The following YTHDC1 variants were observed in gnomAD, a reference collection of about 807,000 sequenced individuals.
YTHDC1 encodes the protein YTH N6-methyladenosine RNA binding protein C1.
A neutral mutation model predicts 107.0 loss-of-function variants in YTHDC1; 12 were observed. That is an observed-to-expected ratio of 0.11 (90% CI 0.07 to 0.18). The LOEUF (loss-of-function observed/expected upper bound fraction) is 0.18. YTHDC1 is among the 10% of genes least tolerant of loss of function. The probability of loss-of-function intolerance (pLI) is 1.00; values close to 1 mark genes in which losing one functional copy is unlikely to be tolerated. For missense variants in YTHDC1, 635 were observed against 898.8 expected (o/e 0.71, Z 3.75); for synonymous variants, 280 against 289.5 (o/e 0.97, Z 0.33).
chr4:68,323,168 G>A (rs1218211000), intron 10 of YTHDC1, among the ~76,000 whole-genome samples: 1 of 152,036 alleles, frequency 6.6e-6, no homozygotes, highest in African/African-American at 2.4e-5. Context: ...AAAATTCTGT[G>A]ACAACCACCC....
intron 2 of YTHDC1, 164 bp from the exon 3 acceptor site, chr4:68,338,064 T>C: frequency 4.1e-6 from 4 of 974,554 alleles, no homozygotes; most frequent in Non-Finnish European, 4.9e-6. Flanking sequence ...AAAGAAAACA[T>C]AGCTTTCAAC....
At chr4:68,333,879 T>C (rs994138726) in intron 4 of YTHDC1, among the ~76,000 whole-genome samples, 1 of 152,170 alleles carries the variant, frequency 6.6e-6, no homozygotes, top group Non-Finnish European at 1.5e-5. Context: ...TGGAAAAATA[T>C]ATATACCATA....
At chr4:68,329,133 T>C (rs1723305195) in intron 9 of YTHDC1, among the ~76,000 whole-genome samples, 1 of 152,066 alleles carries the variant, frequency 6.6e-6, no homozygotes, top group African/African-American at 2.4e-5. Flanking sequence ...CTCACATTCA[T>C]TCATTCTTAT....
chr4:68,315,437 T>A (rs1721750993), intron 16 of YTHDC1, among the ~76,000 whole-genome samples: 1 of 152,172 alleles, frequency 6.6e-6, no homozygotes, highest in Admixed American at 6.5e-5. Context: ...AATAAAAAGA[T>A]GTTTATTTGG....
At chr4:68,335,133 TAA>T (rs1037027447) in intron 4 of YTHDC1, among the ~76,000 whole-genome samples, 12 of 152,278 alleles carry the variant, frequency 7.9e-5, no homozygotes, top group Middle Eastern at 3.4e-3. Context: ...GTTGCTTTTA[TAA>T]AGTTACCAAA....
chr4:68,333,693 G>C lies in YTHDC1; in HGVS notation c.884-296C>G, dbSNP rs574759174. The stretch of plus-strand genomic sequence containing the variant: ...CCTTGAATACAGTTTTCCAAGCGGG[G>C]GGGGAAATTTGCAAAGCAAAAACAA... On this transcript the variant is annotated intron_variant, in intron 4 of 16. Transcript: ENST00000344157. 5.9e-5 allele frequency among the ~76,000 whole-genome samples: 9 copies of C among 152,156 alleles called. No individual in the cohort carries two copies. In the South Asian group the frequency reaches 1.9e-3, roughly 32 times the overall value.
intron 7 of YTHDC1, 38 bp from the exon 8 acceptor site, chr4:68,330,348 C>T: frequency 3.0e-6 from 4 of 1,348,308 alleles, no homozygotes; most frequent in Non-Finnish European, 4.0e-6. Context: ...GTGAAATTAA[C>T]TACAACTCTT....
chr4:68,349,464 G>A (rs2109756571), intron 1 of YTHDC1, among the ~76,000 whole-genome samples: 1 of 152,254 alleles, frequency 6.6e-6, no homozygotes, highest in South Asian at 2.1e-4. Context: ...GCCCAAGACA[G>A]CTAAACGGAA....
chr4:68,338,550 T>G (rs151120707), intron 1 of YTHDC1, 166 bp from the exon 2 acceptor site: 3 of 556,508 alleles, frequency 5.4e-6, no homozygotes, highest in East Asian at 3.2e-5. Flanking sequence ...TCTATAAAAC[T>G]AATACAGGGT....
intron 9 of YTHDC1, among the ~76,000 whole-genome samples, chr4:68,325,274 TTTTTTG>T (rs1722869223): frequency 6.6e-6 from 1 of 152,194 alleles, no homozygotes; most frequent in Non-Finnish European, 1.5e-5. Flanking sequence ...AGAAGATTTT[TTTTTTG>T]TTTTTAATAG....
rs775146566 is a variant in YTHDC1, at chr4:68,314,057, G to A, written c.*42C>T. 1.3e-6 allele frequency: 2 copies of A among 1,573,956 alleles called. No homozygotes were observed. ...AAACACACACAAAAAAAAAATACAA[G>A]ATTTTTTGTATCTTTAAACAATCAG... On this transcript the variant is annotated 3_prime_UTR_variant, in exon 17 of 17. Transcript: ENST00000344157.
At chr4:68,345,203 A>C (rs1443177976) in intron 1 of YTHDC1, among the ~76,000 whole-genome samples, 2 of 152,114 alleles carry the variant, frequency 1.3e-5, no homozygotes, top group African/African-American at 4.8e-5. Context: ...AAGGTCACAA[A>C]CTTTAACTCT....
In YTHDC1 at chr4:68,312,209, A is replaced by G. The variant is rs1162761480; in HGVS notation, c.*1890T>C. ...ACATGGGTAAAATCTTGGCCCATCA[A>G]TTACTACCTTTCTAATCTTGGGCAA... is the stretch of plus-strand genomic sequence containing the variant. On this transcript the variant is annotated 3_prime_UTR_variant, in exon 17 of 17. Coordinates refer to ENST00000344157, the MANE Select transcript of YTHDC1 (RefSeq NM_001031732.4). 2.6e-5 allele frequency: 4 copies of G among 152,204 alleles called. No individual in the cohort carries two copies. The East Asian group carries it at 7.7e-4, about 29-fold the overall frequency. 9.4% of individuals were successfully genotyped at this position (152,204 alleles called of 1,614,324 possible).
At chr4:68,346,078 CATATATATAT>C (rs34633749) in intron 1 of YTHDC1, among the ~76,000 whole-genome samples, 9 of 132,686 alleles carry the variant, frequency 6.8e-5, no homozygotes, top group Non-Finnish European at 9.4e-5. Context: ...TGTGTGTGTA[CATATATATAT>C]ATATATATAT....
At chr4:68,332,079 T>A in intron 7 of YTHDC1, 24 bp downstream of exon 7, 1 of 1,489,152 alleles carries the variant, frequency 6.7e-7, no homozygotes. Flanking sequence ...ATTAGGATAG[T>A]TTCAACAGAA....
rs541524581 is a variant in YTHDC1, at chr4:68,321,147, C to A, written c.1602-942G>T. Among the ~76,000 whole-genome samples the A allele has an allele frequency of 4.1e-4, 63 of 152,140 alleles. 1 individual carries two copies. The highest frequency in any genetic ancestry group is 3.9e-3 in the Admixed American group (60 of 15,278). On this transcript the variant is annotated intron_variant, in intron 11 of 16. Transcript: ENST00000344157. The stretch of plus-strand genomic sequence containing the variant: ...CAAAATATTTAGAAAATAAATATAT[C>A]TTTTTAACCTTAATGTCAAATAAAA...
intron 16 of YTHDC1, among the ~76,000 whole-genome samples, chr4:68,315,176 TATAG>T (rs1292648825): frequency 1.3e-5 from 2 of 152,226 alleles, no homozygotes; most frequent in Admixed American, 6.5e-5. Flanking sequence ...AAGATTTCAT[TATAG>T]ATAGACTGTA....
chr4:68,339,613 C>CAGACACAT (rs1724594674), intron 1 of YTHDC1, among the ~76,000 whole-genome samples: 2 of 151,924 alleles, frequency 1.3e-5, no homozygotes, highest in South Asian at 4.1e-4. Context: ...CGTACACACA[C>CAGACACAT]AGACACACAG....
Position 68,314,299 on chromosome 4 carries a change from CATCCACCCTCA to C in YTHDC1, c.1973_1983del (p.Met658ArgfsTer16). 1 of 1,613,928 alleles carries C rather than the reference CATCCACCCTCA, an allele frequency of 6.2e-7. No individual in the cohort carries two copies. The highest frequency in any genetic ancestry group is 8.5e-7 in the Non-Finnish European group (1 of 1,179,986). On this transcript the variant is annotated frameshift_variant, in exon 17 of 17. Transcript: ENST00000344157. LOFTEE classifies it high-confidence loss of function. ...ACAGCTTGTGTGCGACGAAGGAAAT[CATCCACCCTCA>C]TATCATAATCATGCTAGAAAAGGAA...
Sources: gnomAD v4.1 joint callset for allele counts (sites outside exome capture counted in the v4.1 genomes callset) on GRCh38, gnomAD v4.1.1 for gene constraint, MANE v1.5 for transcripts, NCBI Gene and HGNC (gene_info 2026-07-23, HGNC 2026-07-21) for gene names.